Variants in CTNNA3 observed in about 807,000 individuals in gnomAD.
CTNNA3 encodes the protein catenin alpha 3, also known as catenin alpha-3.
CTNNA3 carries 76 observed loss-of-function variants against 95.7 expected under a neutral mutation model. The ratio of observed to expected loss-of-function variants is 0.79; its 90% CI spans 0.66 to 0.96. CTNNA3 has a LOEUF of 0.96. Among genes scored for constraint, CTNNA3 ranks in the 40% least tolerant of loss-of-function variants. The pLI, the probability that CTNNA3 is intolerant of heterozygous loss-of-function variation, is 0.00. For synonymous variants in CTNNA3, 431 were observed against 374.4 expected, an observed-to-expected ratio of 1.15 and a Z score of -1.74; for missense variants, 1,191 against 1,089.8, an observed-to-expected ratio of 1.09 and a Z score of -1.31.
At chr10:67,099,555 C>T (rs918300416) in intron 7 of CTNNA3, 4 of 151,960 alleles carry the variant, frequency 2.6e-5, no homozygotes, top group Non-Finnish European at 5.9e-5. Context: ...GCAGGTTTGT[C>T]ACAGCAAATG....
intron 5 of CTNNA3, among the ~76,000 whole-genome samples, chr10:67,300,734 A>G (rs1450891433): frequency 6.6e-6 from 1 of 152,172 alleles, no homozygotes; most frequent in Non-Finnish European, 1.5e-5. Flanking sequence ...AGCCTGATGA[A>G]CATTAGCATT....
At chr10:67,551,645 T>G (rs1344350354) in intron 3 of CTNNA3, among the ~76,000 whole-genome samples, 1 of 152,166 alleles carries the variant, frequency 6.6e-6, no homozygotes, top group Non-Finnish European at 1.5e-5. Context: ...GACACTGTTG[T>G]GGGGTTGGAG....
intron 9 of CTNNA3, among the ~76,000 whole-genome samples, chr10:66,735,164 T>TA (rs1849093097): frequency 6.6e-6 from 1 of 151,884 alleles, no homozygotes; most frequent in African/African-American, 2.4e-5. Context: ...CTATCTATAA[T>TA]AAAAAATTCT....
At chr10:67,552,997 C>T (rs1371818536) in intron 3 of CTNNA3, among the ~76,000 whole-genome samples, 1 of 151,934 alleles carries the variant, frequency 6.6e-6, no homozygotes, top group East Asian at 1.9e-4. Context: ...TTTTTACCAC[C>T]CAATCTCTTT....
intron 7 of CTNNA3, among the ~76,000 whole-genome samples, chr10:66,831,397 T>G (rs1842716237): frequency 6.6e-6 from 1 of 152,152 alleles, no homozygotes. Context: ...ATCTCAAGAC[T>G]TTACCATACG....
In CTNNA3 at chr10:66,610,296, C is replaced by T. The variant is rs145437272; in HGVS notation, c.1374+11396G>A. Among the ~76,000 whole-genome samples, 319 of 152,052 alleles carry T rather than the reference C, an allele frequency of 2.1e-3. 4 individuals carry two copies. Among genetic ancestry groups the T allele is most frequent in the East Asian group, 4.5e-3 (23 of 5,164 alleles). ...TTCAGGCCCCGTGACATGAGCTTAC[C>T]CTATGTAACAAACCCGCACATGTAC... On this transcript the variant is annotated intron_variant, in intron 10 of 17. Coordinates refer to ENST00000433211, the MANE Select transcript of CTNNA3 (RefSeq NM_013266.4).
intron 7 of CTNNA3, among the ~76,000 whole-genome samples, chr10:66,843,807 T>C (rs767085431): frequency 6.6e-6 from 1 of 152,210 alleles, no homozygotes; most frequent in Non-Finnish European, 1.5e-5. Context: ...ATTTCATGAA[T>C]TGTTTTTGGA....
At chr10:67,059,620 A>G (rs1457044697) in intron 7 of CTNNA3, among the ~76,000 whole-genome samples, 1 of 152,182 alleles carries the variant, frequency 6.6e-6, no homozygotes, top group Non-Finnish European at 1.5e-5. Context: ...AAGTTGTCAT[A>G]GTCAGTTTGT....
At chr10:67,180,271 A>G (rs1288527434) in intron 7 of CTNNA3, 46 bp downstream of exon 7, 2 of 1,490,498 alleles carry the variant, frequency 1.3e-6, no homozygotes, top group Admixed American at 3.3e-5. Context: ...TATTCAAAGT[A>G]CAAGGGAAGA....
intron 15 of CTNNA3, among the ~76,000 whole-genome samples, chr10:66,022,358 C>G (rs866627308): frequency 6.6e-6 from 1 of 152,134 alleles, no homozygotes; most frequent in East Asian, 1.9e-4. Context: ...TCAACCTATG[C>G]GCAAAGTACA....
chr10:66,787,633 G>C (rs1840802325), intron 7 of CTNNA3, among the ~76,000 whole-genome samples: 1 of 152,174 alleles, frequency 6.6e-6, no homozygotes, highest in Admixed American at 6.5e-5. Flanking sequence ...GTAGTTCGAA[G>C]GGGAGGAGGG....
intron 13 of CTNNA3, among the ~76,000 whole-genome samples, chr10:66,247,941 A>G (rs2090403486): frequency 6.6e-6 from 1 of 152,208 alleles, no homozygotes; most frequent in South Asian, 2.1e-4. Flanking sequence ...ACACAGAAAA[A>G]CACAGAATAT....
intron 7 of CTNNA3, among the ~76,000 whole-genome samples, chr10:66,907,323 C>T (rs1319439905): frequency 6.6e-6 from 1 of 151,922 alleles, no homozygotes; most frequent in East Asian, 1.9e-4. Flanking sequence ...GAAGCAATTG[C>T]TTTTGTATAC....
chr10:67,577,714 G>GTA (rs907551900), intron 3 of CTNNA3, among the ~76,000 whole-genome samples: 9 of 151,542 alleles, frequency 5.9e-5, no homozygotes, highest in Admixed American at 5.9e-4. Flanking sequence ...GTGTGTGTGT[G>GTA]TGTGTGTGTA....
intron 7 of CTNNA3, among the ~76,000 whole-genome samples, chr10:66,951,090 CA>C (rs1848513901): frequency 2.7e-5 from 1 of 36,418 alleles, no homozygotes; most frequent in African/African-American, 2.0e-4. Flanking sequence ...ACATTAAATA[CA>C]CACACACACA....
intron 11 of CTNNA3, among the ~76,000 whole-genome samples, chr10:66,446,710 C>G (rs1212143329): frequency 1.3e-5 from 2 of 152,088 alleles, no homozygotes; most frequent in East Asian, 3.9e-4. Flanking sequence ...AAACCCACAG[C>G]CAATATCATA....
intron 5 of CTNNA3, among the ~76,000 whole-genome samples, chr10:67,308,129 T>A (rs1239396875): frequency 6.6e-6 from 1 of 152,218 alleles, no homozygotes; most frequent in Non-Finnish European, 1.5e-5. Flanking sequence ...CATTTAATTA[T>A]CATTCCTTCC....
chr10:66,360,627 C>A (rs1165664083), intron 12 of CTNNA3, among the ~76,000 whole-genome samples: 2 of 39,544 alleles, frequency 5.1e-5, no homozygotes, highest in South Asian at 9.2e-4. Context: ...TTCTTTCTTT[C>A]TTTCTTTCTT....
intron 5 of CTNNA3, among the ~76,000 whole-genome samples, chr10:67,399,169 GGC>G (rs1348388819): frequency 6.6e-6 from 1 of 151,978 alleles, no homozygotes; most frequent in Non-Finnish European, 1.5e-5. Context: ...CAGAAAGGGA[GGC>G]AAGAGAGACA....
Sources: gnomAD v4.1 joint callset for allele counts (sites outside exome capture counted in the v4.1 genomes callset) on GRCh38, gnomAD v4.1.1 for gene constraint, MANE v1.5 for transcripts, NCBI Gene and HGNC (gene_info 2026-07-23, HGNC 2026-07-21) for gene names.